Variants in CALD1 observed in about 807,000 individuals in gnomAD.
CALD1 encodes the protein caldesmon 1.
Under a neutral mutation model 99.9 loss-of-function variants are expected in CALD1, and 33 were observed. That is an observed-to-expected ratio of 0.33 (90% CI 0.25 to 0.44). The LOEUF is 0.44. Among genes scored for constraint, CALD1 ranks in the 20% least tolerant of loss-of-function variants. CALD1 has a pLI of 1.00. For missense variants in CALD1, 861 were observed against 962.1 expected (o/e 0.89, Z 1.39); for synonymous variants, 310 against 325.0 (o/e 0.95, Z 0.50).
At chr7:134,901,350 A>C (rs1019992302) in intron 3 of CALD1, among the ~76,000 whole-genome samples, 3 of 152,010 alleles carry the variant, frequency 2.0e-5, no homozygotes, top group Admixed American at 2.0e-4. Flanking sequence ...TTCTCAGCTG[A>C]TTGATCTACA....
At chr7:134,900,704 T>G (rs1437119697) in intron 3 of CALD1, among the ~76,000 whole-genome samples, 1 of 152,170 alleles carries the variant, frequency 6.6e-6, no homozygotes, top group African/African-American at 2.4e-5. Flanking sequence ...CTCCATCTGT[T>G]AAAGACATCT....
chr7:134,879,612 T>C (rs2218988), intron 3 of CALD1, among the ~76,000 whole-genome samples: 44,733 of 152,142 alleles, frequency 0.29, 7,309 homozygotes, highest in African/African-American at 0.45. Context: ...TTCACTGACA[T>C]TGAACAGCTT....
chr7:134,958,545 A>G (rs935544625), intron 11 of CALD1, among the ~76,000 whole-genome samples: 1 of 151,196 alleles, frequency 6.6e-6, no homozygotes, highest in East Asian at 2.0e-4. Context: ...AGCTGGGATT[A>G]CAGGGGCCCA....
Position 134,932,897 on chromosome 7 carries a change from C to G in CALD1, c.219-91C>G, listed in dbSNP as rs562649988. ...TGGGCAAGCTTGGCACTACTGGCATCTGCTGTAGTCCTGGGTAGCACAGGC... is the reference window on the plus strand; with the variant it reads ...TGGGCAAGCTTGGCACTACTGGCATGTGCTGTAGTCCTGGGTAGCACAGGC... On this transcript the variant is annotated intron_variant, in intron 4 of 14. Coordinates refer to ENST00000361675, the MANE Select transcript of CALD1 (RefSeq NM_033138.4). The G allele has an allele frequency of 9.8e-6, 8 of 818,406 alleles. No individual in the cohort carries two copies. The East Asian group carries it at 1.6e-4, about 16-fold the overall frequency. 50.7% of individuals were successfully genotyped at this position (818,406 alleles called of 1,614,324 possible).
chr7:134,769,393 A>G lies in CALD1; in HGVS notation c.-130+25030A>G, dbSNP rs1227167722. ...ATCCAAAATGTATAAGAATTTGTAC[A>G]TCATCAACAACGTTTAGTTTTGCGT... On this transcript the variant is annotated intron_variant, in intron 1 of 13. Transcript: ENST00000417172. Among the ~76,000 whole-genome samples the G allele has an allele frequency of 3.9e-5, 6 of 152,218 alleles. No homozygotes were observed. The East Asian group carries it at 9.6e-4, about 24-fold the overall frequency.
rs1584646066 is a variant in CALD1, at chr7:134,947,601, T to C, written c.1626T>C (p.Arg542=). 1.3e-6 allele frequency: 2 copies of C among 1,561,688 alleles called. No individual in the cohort carries two copies. The highest frequency in any genetic ancestry group is 1.7e-6 in the Non-Finnish European group (2 of 1,152,678). ...AAAGGCTGGAGGAGCTTCGTCGTCG[T>C]CGCGGGGAGACCGAGAGCGAAGAGT... ...AGKRLEELRR[R]RGETESEEFE... is the part of the protein sequence containing the mutation. The change falls in exon 8 of 15, where the codon CGT becomes CGC. Residue 542 remains arginine (R), a synonymous_variant. Transcript: ENST00000361675.
rs1307779667 is a variant in CALD1 at position 134,754,980 on chromosome 7, C to G, written c.-130+10617C>G. On this transcript the variant is annotated intron_variant, in intron 1 of 13. Transcript: ENST00000417172. ...CCATTTTACATTACTCTACTCAACA[C>G]TACTATATATTTTACTTTTTTTTTA... Among the ~76,000 whole-genome samples the G allele has an allele frequency of 5.0e-5, 7 of 139,970 alleles. No individual in the cohort carries two copies. The Admixed American group carries it at 5.3e-4, about 11-fold the overall frequency. The allele number at this position is 139,970 out of a possible 152,430, so 91.8% of individuals were successfully genotyped here. A position where few individuals can be genotyped will look rare whatever the true frequency, so the allele number is the denominator to read the frequency against.
At chr7:134,738,870 GC>G in the CALD1 span, among the ~76,000 whole-genome samples, 2 of 152,226 alleles carry the variant, frequency 1.3e-5, no homozygotes, top group Admixed American at 6.5e-5. Context: ...CAATTGCAGA[GC>G]CCTGGGCAGA....
chr7:134,961,309 TATA>T (rs1485146708), intron 13 of CALD1: 1 of 152,252 alleles, frequency 6.6e-6, no homozygotes, highest in Non-Finnish European at 1.5e-5. Context: ...CATTTGTCAT[TATA>T]ATAAGAAAAC....
chr7:134,794,320 T>A (rs569332732), intron 1 of CALD1, among the ~76,000 whole-genome samples: 6 of 152,312 alleles, frequency 3.9e-5, no homozygotes, highest in African/African-American at 9.6e-5. Context: ...GGTGTACCTA[T>A]GTACACTAGA....
chr7:134,853,093 G>A (rs1238092902), intron 2 of CALD1, among the ~76,000 whole-genome samples: 1 of 152,176 alleles, frequency 6.6e-6, no homozygotes, highest in Admixed American at 6.5e-5. Context: ...CACCTTAGCT[G>A]CATGAAGTTA....
rs770713218 is a variant in CALD1 at position 134,947,523 on chromosome 7, G to A, written c.1548G>A (p.Arg516=). ...TENTFSRPGG[R]ASVDTKEAEG... ...CCAACCACAGCCGCCCTGGAGGGAG[G>A]GCCAGCGTGGACACCAAGGAGGCTG... The change falls in exon 8 of 15, where the codon AGG becomes AGA. Residue 516 remains arginine, a synonymous_variant. Transcript: ENST00000361675. 3.8e-6 allele frequency: 6 copies of A among 1,568,594 alleles called. No individual in the cohort carries two copies. Among genetic ancestry groups the A allele is most frequent in the South Asian group, 2.4e-5 (2 of 85,096 alleles).
At chr7:134,907,994 T>C (rs931272166) in intron 3 of CALD1, among the ~76,000 whole-genome samples, 6 of 152,228 alleles carry the variant, frequency 3.9e-5, no homozygotes, top group African/African-American at 1.4e-4. Context: ...TTTTCTCTTT[T>C]TTCAGTTTGA....
At chr7:134,873,733 C>A (rs114743465) in intron 3 of CALD1, among the ~76,000 whole-genome samples, 1 of 152,098 alleles carries the variant, frequency 6.6e-6, no homozygotes, top group African/African-American at 2.4e-5. Context: ...ATGGGATCTA[C>A]CAAATTATTC....
At chr7:134,904,769 A>G (rs775155050) in intron 3 of CALD1, among the ~76,000 whole-genome samples, 1 of 152,074 alleles carries the variant, frequency 6.6e-6, no homozygotes, top group Non-Finnish European at 1.5e-5. Context: ...TGATCCATCA[A>G]TTCTCCGTGA....
chr7:134,790,796 G>A (rs540702970), intron 1 of CALD1, among the ~76,000 whole-genome samples: 57 of 152,320 alleles, frequency 3.7e-4, no homozygotes, highest in Admixed American at 5.2e-4. Context: ...CTGACTCAAC[G>A]GGAGATTTTC....
At chr7:134,918,516 G>C (rs766293726) in intron 3 of CALD1, among the ~76,000 whole-genome samples, 69 of 152,168 alleles carry the variant, frequency 4.5e-4, no homozygotes, top group Admixed American at 7.9e-4. Flanking sequence ...ATACCATGCT[G>C]GTAATACTAC....
intron 1 of CALD1, among the ~76,000 whole-genome samples, chr7:134,771,927 T>A (rs556282838): frequency 9.9e-5 from 15 of 152,130 alleles, no homozygotes; most frequent in Non-Finnish European, 2.1e-4. Flanking sequence ...TTAAATTTTT[T>A]TATAGCGCTT....
chr7:134,874,541 G>A (rs112176228), intron 3 of CALD1, among the ~76,000 whole-genome samples: 2,235 of 152,264 alleles, frequency 0.015, 28 homozygotes, highest in Non-Finnish European at 0.024. Flanking sequence ...ATACTTGGCC[G>A]ACACCGGGCT....
Sources: allele counts gnomAD v4.1 joint callset (sites outside exome capture counted in the v4.1 genomes callset), GRCh38; gene constraint gnomAD v4.1.1; transcripts MANE v1.5; gene names NCBI Gene and HGNC (gene_info 2026-07-23, HGNC 2026-07-21).